FER1L6: variants seen among roughly 807,000 people sequenced by gnomAD.
The protein encoded by FER1L6 is fer-1 like family member 6, also known as fer-1-like protein 6.
A neutral mutation model predicts 219.2 loss-of-function variants in FER1L6; 177 were observed. The observed-to-expected ratio is 0.81, with a 90% CI of 0.71 to 0.91. The LOEUF (loss-of-function observed/expected upper bound fraction) is 0.91. Among genes scored for constraint, FER1L6 ranks in the 40% least tolerant of loss-of-function variants. The probability of loss-of-function intolerance (pLI) is 0.00; values close to 1 mark genes in which losing one functional copy is unlikely to be tolerated. For missense variants in FER1L6, 2,153 were observed against 2,259.9 expected (o/e 0.95, Z 0.96); for synonymous variants, 768 against 824.3 (o/e 0.93, Z 1.17).
intron 1 of FER1L6, among the ~76,000 whole-genome samples, chr8:123,938,663 C>T (rs1471486476): frequency 1.3e-5 from 2 of 151,320 alleles, no homozygotes; most frequent in Non-Finnish European, 2.9e-5. Flanking sequence ...TCTTGTGCCT[C>T]AGCCTCCTGA....
At chr8:123,862,959 T>C (rs1469955618) in intron 1 of FER1L6, among the ~76,000 whole-genome samples, 2 of 145,638 alleles carry the variant, frequency 1.4e-5, no homozygotes, top group Non-Finnish European at 3.0e-5. Flanking sequence ...TTTTGAAGGG[T>C]TTTTTGTGCC....
chr8:124,070,402 T>C, intron 29 of FER1L6, 65 bp from the exon 30 acceptor site: 1 of 1,575,400 alleles, frequency 6.3e-7, no homozygotes, highest in Non-Finnish European at 8.6e-7. Context: ...AATCTTGGCA[T>C]TTCTCATTAA....
chr8:123,972,269 T>A (rs1261132698), intron 6 of FER1L6, among the ~76,000 whole-genome samples: 1 of 152,248 alleles, frequency 6.6e-6, no homozygotes, highest in Non-Finnish European at 1.5e-5. Flanking sequence ...GAATTTCTTT[T>A]GCTTCGCAAA....
chr8:123,889,512 C>A (rs1812602151), intron 1 of FER1L6, among the ~76,000 whole-genome samples: 1 of 151,918 alleles, frequency 6.6e-6, no homozygotes, highest in Non-Finnish European at 1.5e-5. Context: ...GGATTTTTTG[C>A]TTCCTAGGGT....
chr8:124,016,745 A>G (rs1332967339), intron 15 of FER1L6, among the ~76,000 whole-genome samples: 3 of 152,224 alleles, frequency 2.0e-5, no homozygotes, highest in Admixed American at 6.5e-5. Context: ...GTGTCATGAT[A>G]TATTTAACTA....
At chr8:123,998,800 C>G (rs1178440884) in intron 12 of FER1L6, among the ~76,000 whole-genome samples, 2 of 152,186 alleles carry the variant, frequency 1.3e-5, no homozygotes, top group Non-Finnish European at 2.9e-5. Flanking sequence ...ACTCTTCTCT[C>G]TCCTTTTCTC....
Position 123,966,192 on chromosome 8 carries a change from G to A in FER1L6, c.286G>A (p.Val96Met). The A allele has an allele frequency of 6.2e-7, 1 of 1,614,146 alleles. No individual in the cohort carries two copies. The highest frequency in any genetic ancestry group is 1.1e-5 in the South Asian group (1 of 91,078). Residue 96 changes from valine to methionine, a missense_variant, in exon 5 of 41, where the codon GTG becomes ATG. Coordinates refer to ENST00000522917, the MANE Select transcript of FER1L6 (RefSeq NM_001039112.2). ...AITITEARQL[V>M]GENIDPVVTI... The stretch of plus-strand genomic sequence containing the variant: ...AACCATCACCGAGGCTCGCCAGCTG[G>A]TGGGTGAGAACATTGACCCAGTTGT...
intron 21 of FER1L6, among the ~76,000 whole-genome samples, chr8:124,049,338 G>A (rs1042169500): frequency 3.3e-5 from 5 of 152,066 alleles, no homozygotes; most frequent in East Asian, 1.9e-4. Context: ...GAGCTACCGC[G>A]CCTGTATGAC....
chr8:123,856,794 C>T (rs1253850481), intron 1 of FER1L6, among the ~76,000 whole-genome samples: 3 of 151,938 alleles, frequency 2.0e-5, no homozygotes, highest in South Asian at 2.1e-4. Flanking sequence ...ACCCCATTCC[C>T]GTTTATTTGC....
chr8:123,922,364 G>GA (rs1488400959), intron 1 of FER1L6, among the ~76,000 whole-genome samples: 1 of 152,212 alleles, frequency 6.6e-6, no homozygotes, highest in African/African-American at 2.4e-5. Flanking sequence ...GTCACTGGAG[G>GA]AAACAGGAAA....
chr8:124,036,956 T>G (rs1033914091), intron 19 of FER1L6, among the ~76,000 whole-genome samples: 2 of 152,192 alleles, frequency 1.3e-5, no homozygotes, highest in Admixed American at 6.5e-5. Flanking sequence ...GAAAAACTAG[T>G]GGGTGACATA....
intron 15 of FER1L6, among the ~76,000 whole-genome samples, chr8:124,017,310 A>G (rs564228527): frequency 8.1e-4 from 124 of 152,260 alleles, no homozygotes; most frequent in African/African-American, 2.9e-3. Flanking sequence ...TGTGTGTTAA[A>G]TTTGTAAGAT....
intron 1 of FER1L6, among the ~76,000 whole-genome samples, chr8:123,918,564 G>A (rs893355389): frequency 3.3e-5 from 5 of 152,156 alleles, no homozygotes; most frequent in African/African-American, 9.7e-5. Context: ...GGGCTATTAA[G>A]GGACAAGAGA....
chr8:124,013,811 A>C (rs750625502), intron 15 of FER1L6: 33 of 220,006 alleles, frequency 1.5e-4, no homozygotes, highest in Admixed American at 4.3e-4. Flanking sequence ...GTGTTAGTGT[A>C]CCAGCATAGT....
chr8:123,960,530 C>T (rs1277286972), intron 2 of FER1L6, among the ~76,000 whole-genome samples: 1 of 152,184 alleles, frequency 6.6e-6, no homozygotes, highest in South Asian at 2.1e-4. Context: ...TAGTGTGTCA[C>T]AAACTACCAC....
intron 10 of FER1L6, among the ~76,000 whole-genome samples, chr8:123,979,613 A>G (rs1816234760): frequency 6.6e-6 from 1 of 152,200 alleles, no homozygotes; most frequent in African/African-American, 2.4e-5. Flanking sequence ...TACTTACATC[A>G]GCAGTAAGTT....
At position 123,986,135 on chromosome 8, in the gene FER1L6, G is replaced by A. The variant is rs777737972; in HGVS notation, c.1478G>A (p.Arg493Gln). Reference sequence around the variant, plus strand: ...TTTTTTGAAGCTACCATGATTGACCGGAAGATTGGAGATAAACCCATCAGC... The same window carrying A: ...TTTTTTGAAGCTACCATGATTGACCAGAAGATTGGAGATAAACCCATCAGC... ...GAFFEATMIDRKIGDKPISFE... is the reference protein window; with the variant it reads ...GAFFEATMIDQKIGDKPISFE... The change falls in exon 12 of 41, where the codon CGG (arginine) becomes CAG (glutamine). Residue 493 changes from arginine to glutamine, a missense_variant. Transcript: ENST00000522917. 5.0e-5 allele frequency: 80 copies of A among 1,613,202 alleles called. No homozygotes were observed. The highest frequency in any genetic ancestry group is 2.0e-4 in the Admixed American group (12 of 59,992).
intron 1 of FER1L6, among the ~76,000 whole-genome samples, chr8:123,914,191 T>C (rs1177005115): frequency 2.6e-5 from 4 of 152,096 alleles, no homozygotes; most frequent in Non-Finnish European, 5.9e-5. Flanking sequence ...GATAACAGAA[T>C]ACTTTCATCA....
At chr8:124,041,175 C>G (rs1457429911) in intron 20 of FER1L6, among the ~76,000 whole-genome samples, 3 of 152,236 alleles carry the variant, frequency 2.0e-5, no homozygotes, top group Admixed American at 2.0e-4. Context: ...TTAGCACACA[C>G]AGTGCCCTAA....
Sources: allele counts gnomAD v4.1 joint callset (sites outside exome capture counted in the v4.1 genomes callset), GRCh38; gene constraint gnomAD v4.1.1; transcripts MANE v1.5; gene names NCBI Gene and HGNC (gene_info 2026-07-23, HGNC 2026-07-21).